CD109: variants seen among roughly 807,000 people sequenced by gnomAD.
CD109 encodes CD109 molecule, also known as CD109 antigen.
A neutral mutation model predicts 165.8 loss-of-function variants in CD109; 149 were observed. The observed-to-expected ratio is 0.90, with a 90% CI of 0.79 to 1.03. The LOEUF is 1.03. CD109 is among the 50% of genes least tolerant of loss of function. CD109 has a pLI of 0.00. For synonymous variants in CD109, 585 were observed against 592.1 expected, an observed-to-expected ratio of 0.99 and a Z score of 0.18; for missense variants, 1,712 against 1,677.8, an observed-to-expected ratio of 1.02 and a Z score of -0.36.
chr6:73,752,439 C>T (rs1486888783), intron 5 of CD109, among the ~76,000 whole-genome samples: 2 of 152,142 alleles, frequency 1.3e-5, no homozygotes, highest in African/African-American at 4.8e-5. Flanking sequence ...CTCTTTCCCA[C>T]TTCATTTGTC....
chr6:73,688,823 G>A, the CD109 span, among the ~76,000 whole-genome samples: 1 of 132,510 alleles, frequency 7.5e-6, no homozygotes, highest in Non-Finnish European at 1.5e-5. Context: ...AGGCTGGAGT[G>A]CAGCGGTGTA....
At chr6:73,688,854 A>T in the CD109 span, among the ~76,000 whole-genome samples, 1 of 137,866 alleles carries the variant, frequency 7.3e-6, no homozygotes, top group African/African-American at 2.8e-5. Flanking sequence ...CTGCAGCCTC[A>T]ATCTCCCAGA....
chr6:73,744,838 T>C (rs1170753929), intron 5 of CD109, among the ~76,000 whole-genome samples: 1 of 152,174 alleles, frequency 6.6e-6, no homozygotes, highest in African/African-American at 2.4e-5. Context: ...GGCCAGACTT[T>C]AGGATGTTGT....
chr6:73,700,626 G>A (rs9446986), intron 2 of CD109, among the ~76,000 whole-genome samples: 7,358 of 152,034 alleles, frequency 0.048, 210 homozygotes, highest in East Asian at 0.13. Context: ...TTTAATAAAG[G>A]TGAAAAAGTA....
chr6:73,810,739 TA>T (rs757114822), intron 27 of CD109, among the ~76,000 whole-genome samples: 4 of 152,126 alleles, frequency 2.6e-5, no homozygotes, highest in Non-Finnish European at 5.9e-5. Flanking sequence ...CAAAATAGCA[TA>T]ACATGTGAAC....
chr6:73,807,227 A>G (rs1158672126), intron 25 of CD109, among the ~76,000 whole-genome samples, 155 bp downstream of exon 25: 1 of 152,212 alleles, frequency 6.6e-6, no homozygotes, highest in Non-Finnish European at 1.5e-5. Flanking sequence ...ATTTGTGGCC[A>G]TGTTCCAAAA....
At chr6:73,731,987 T>G (rs1772382961) in intron 4 of CD109, among the ~76,000 whole-genome samples, 1 of 152,180 alleles carries the variant, frequency 6.6e-6, no homozygotes, top group Non-Finnish European at 1.5e-5. Flanking sequence ...GCACACTGAG[T>G]GCTTTCCTGT....
At chr6:73,763,460 A>T in intron 9 of CD109, 116 bp from the exon 10 acceptor site, 1 of 574,468 alleles carries the variant, frequency 1.7e-6, no homozygotes, top group Non-Finnish European at 3.1e-6. Context: ...AATGAGGCTT[A>T]TGTGCCCTGA....
chr6:73,701,897 A>G lies in CD109; in HGVS notation c.247+4325A>G, dbSNP rs529700878. Among the ~76,000 whole-genome samples, 13 of 152,278 alleles carry G rather than the reference A, an allele frequency of 8.5e-5. No individual in the cohort carries two copies. In the East Asian group the frequency reaches 2.1e-3, roughly 25 times the overall value. On this transcript the variant is annotated intron_variant, in intron 2 of 32. Transcript: ENST00000287097. ...GGAGTTTGAGACCAGCCTGGACAACACAGTGAAATTCTATCTCAAAAACAA... is the reference window on the plus strand; with the variant it reads ...GGAGTTTGAGACCAGCCTGGACAACGCAGTGAAATTCTATCTCAAAAACAA...
intron 5 of CD109, among the ~76,000 whole-genome samples, chr6:73,755,047 G>A (rs1439615023): frequency 6.6e-6 from 1 of 152,176 alleles, no homozygotes; most frequent in Admixed American, 6.5e-5. Flanking sequence ...CCATAGTCTT[G>A]TCTGTGCTGG....
At chr6:73,788,400 A>G (rs1562068946) in intron 21 of CD109, 68 bp from the exon 22 acceptor site, 1 of 1,418,088 alleles carries the variant, frequency 7.1e-7, no homozygotes, top group African/African-American at 1.4e-5. Flanking sequence ...TTGTGCTCAT[A>G]TCTGCGTATA....
chr6:73,819,452 T>C (rs1003502297), intron 31 of CD109, among the ~76,000 whole-genome samples: 34 of 152,220 alleles, frequency 2.2e-4, no homozygotes, highest in African/African-American at 8.2e-4. Flanking sequence ...TATATGAGCT[T>C]CATAGGTTGA....
intron 5 of CD109, among the ~76,000 whole-genome samples, chr6:73,745,302 A>G (rs963188689): frequency 2.1e-4 from 32 of 152,188 alleles, no homozygotes; most frequent in Admixed American, 1.7e-3. Context: ...ACAGGGTTTC[A>G]CCATGTTGGC....
chr6:73,708,190 G>C (rs887753526), intron 2 of CD109, among the ~76,000 whole-genome samples: 3 of 151,354 alleles, frequency 2.0e-5, no homozygotes, highest in Non-Finnish European at 4.4e-5. Context: ...GATGTTCCCC[G>C]TCCTGTGTCC....
chr6:73,788,683 A>G (rs1774794913), intron 22 of CD109, 71 bp downstream of exon 22: 5 of 1,390,956 alleles, frequency 3.6e-6, no homozygotes, highest in African/African-American at 3.0e-5. Flanking sequence ...TTGTAATTAT[A>G]GATGTATTTT....
At chr6:73,684,392 G>A in the CD109 span, among the ~76,000 whole-genome samples, 2 of 151,690 alleles carry the variant, frequency 1.3e-5, no homozygotes, top group East Asian at 3.9e-4. Flanking sequence ...GCTAATTTTT[G>A]TATTTTTTTG....
chr6:73,733,815 G>A (rs115707584), intron 4 of CD109, among the ~76,000 whole-genome samples: 45 of 152,308 alleles, frequency 3.0e-4, no homozygotes, highest in African/African-American at 1.1e-3. Context: ...CTACAGGCTG[G>A]ACAGACATGT....
At chr6:73,783,952 T>C in intron 19 of CD109, 128 bp downstream of exon 19, 2 of 590,488 alleles carry the variant, frequency 3.4e-6, no homozygotes, top group Admixed American at 6.3e-5. Flanking sequence ...CTTGGCTTTG[T>C]CTTTTGGTTT....
At chr6:73,761,289 G>A (rs955048191) in intron 7 of CD109, among the ~76,000 whole-genome samples, 2 of 152,040 alleles carry the variant, frequency 1.3e-5, no homozygotes, top group African/African-American at 2.4e-5. Context: ...GCGAAGTTTC[G>A]TGGGCATTCA....
Sources: gnomAD v4.1 joint callset for allele counts (sites outside exome capture counted in the v4.1 genomes callset) on GRCh38, gnomAD v4.1.1 for gene constraint, MANE v1.5 for transcripts, NCBI Gene and HGNC (gene_info 2026-07-23, HGNC 2026-07-21) for gene names.